The following EYA4 variants were observed in gnomAD, a reference collection of about 807,000 sequenced individuals.
EYA4 encodes the protein protein phosphatase EYA4.
A neutral mutation model predicts 87.9 loss-of-function variants in EYA4; 31 were observed. That is an observed-to-expected ratio of 0.35 (90% confidence interval 0.27 to 0.48). The LOEUF (loss-of-function observed/expected upper bound fraction) is 0.48, where lower values mean the gene tolerates loss of function less well. EYA4 is among the 20% of genes least tolerant of loss of function. The probability of loss-of-function intolerance (pLI) is 0.99; values close to 1 mark genes in which losing one functional copy is unlikely to be tolerated. For synonymous variants in EYA4, 263 were observed against 270.6 expected (o/e 0.97, Z 0.28); for missense variants, 678 against 761.4 (o/e 0.89, Z 1.29).
chr6:133,284,043 G>T (rs886896124), intron 2 of EYA4, among the ~76,000 whole-genome samples: 4 of 152,160 alleles, frequency 2.6e-5, no homozygotes, highest in African/African-American at 9.7e-5. Flanking sequence ...GAACTCACCT[G>T]CTTCCATCAA....
chr6:133,523,753 G>T (rs1357983643), intron 18 of EYA4, among the ~76,000 whole-genome samples: 1 of 152,028 alleles, frequency 6.6e-6, no homozygotes, highest in East Asian at 1.9e-4. Context: ...TGATTTTTAA[G>T]TGCATTTCTC....
chr6:133,320,459 A>G, intron 2 of EYA4, among the ~76,000 whole-genome samples: 1 of 148,232 alleles, frequency 6.7e-6, no homozygotes, highest in East Asian at 2.0e-4. Context: ...GTAAACAGTT[A>G]ATTAAATCTA....
chr6:133,392,237 G>A (rs1787365426), intron 3 of EYA4, among the ~76,000 whole-genome samples: 1 of 152,004 alleles, frequency 6.6e-6, no homozygotes, highest in Non-Finnish European at 1.5e-5. Context: ...AATGCAAATT[G>A]CTTTCTCCAT....
chr6:133,248,330 A>C (rs1034799264), intron 1 of EYA4: 7 of 152,186 alleles, frequency 4.6e-5, no homozygotes, highest in African/African-American at 1.7e-4. Context: ...AAATCATAAA[A>C]ATTTACATTC....
intron 3 of EYA4, among the ~76,000 whole-genome samples, chr6:133,415,383 C>G (rs1217770227): frequency 6.6e-6 from 1 of 152,144 alleles, no homozygotes; most frequent in South Asian, 2.1e-4. Flanking sequence ...AGCCTAGCCC[C>G]CCATGATATC....
chr6:133,374,197 T>G (rs1425841595), intron 2 of EYA4, among the ~76,000 whole-genome samples: 1 of 152,132 alleles, frequency 6.6e-6, no homozygotes, highest in East Asian at 1.9e-4. Flanking sequence ...GCTAAGTTGC[T>G]TTTTGAATAT....
intron 2 of EYA4, among the ~76,000 whole-genome samples, chr6:133,305,958 A>T (rs1779769042): frequency 6.7e-6 from 1 of 148,868 alleles, no homozygotes; most frequent in Admixed American, 6.8e-5. Flanking sequence ...TTAAGTAATA[A>T]TGATTATCTA....
chr6:133,451,506 TG>T (rs1338839991), intron 5 of EYA4, among the ~76,000 whole-genome samples: 1 of 152,212 alleles, frequency 6.6e-6, no homozygotes, highest in Non-Finnish European at 1.5e-5. Context: ...TTAGATCTAT[TG>T]GGAGGGCTAG....
chr6:133,322,915 A>AT (rs1781205241), intron 2 of EYA4, among the ~76,000 whole-genome samples: 1 of 152,154 alleles, frequency 6.6e-6, no homozygotes, highest in Admixed American at 6.6e-5. Flanking sequence ...ACCTGCCTAC[A>AT]TGTTTTGTCA....
At chr6:133,261,214 A>G (rs1775773875) in intron 1 of EYA4, among the ~76,000 whole-genome samples, 1 of 152,116 alleles carries the variant, frequency 6.6e-6, no homozygotes. Context: ...CTTCTTGTTC[A>G]TCTTGTTTGT....
rs145745540 is a variant in EYA4 at position 133,377,257 on chromosome 6, A to G, written c.34-5135A>G. Among the ~76,000 whole-genome samples, 410 of 152,144 alleles carry G rather than the reference A, an allele frequency of 2.7e-3. 1 individual carries two copies. Among genetic ancestry groups the G allele is most frequent in the African/African-American group, 9.5e-3 (394 of 41,534 alleles). On this transcript the variant is annotated intron_variant, in intron 2 of 19. Transcript: ENST00000355286. ...ATTTTATTTAACACAGTATACCCAA[A>G]ATATCATTTTACTCTCAATATCAAA...
chr6:133,292,799 T>G (rs1582868825), intron 2 of EYA4, among the ~76,000 whole-genome samples: 1 of 152,224 alleles, frequency 6.6e-6, no homozygotes, highest in Non-Finnish European at 1.5e-5. Context: ...TTTAAATATT[T>G]TTGTCCTTTT....
At chr6:133,298,702 A>C (rs1554220192) in intron 2 of EYA4, among the ~76,000 whole-genome samples, 1 of 152,204 alleles carries the variant, frequency 6.6e-6, no homozygotes, top group Non-Finnish European at 1.5e-5. Context: ...AAGTGTGTGG[A>C]TTTATATAAA....
chr6:133,335,686 G>T (rs1310489912), intron 2 of EYA4, among the ~76,000 whole-genome samples: 1 of 152,166 alleles, frequency 6.6e-6, no homozygotes, highest in Non-Finnish European at 1.5e-5. Flanking sequence ...CTAGGTGGGG[G>T]AAATAATGTG....
At chr6:133,424,759 G>T (rs545557180) in intron 3 of EYA4, among the ~76,000 whole-genome samples, 1 of 150,966 alleles carries the variant, frequency 6.6e-6, no homozygotes, top group Non-Finnish European at 1.5e-5. Context: ...GATTCTGCCT[G>T]TTCTTGGCAC....
chr6:133,391,120 G>A (rs373283134), intron 3 of EYA4, among the ~76,000 whole-genome samples: 2 of 152,064 alleles, frequency 1.3e-5, no homozygotes, highest in Non-Finnish European at 2.9e-5. Flanking sequence ...TAGCTTGCTA[G>A]TTGTTTTAGT....
chr6:133,447,940 T>C (rs1345822210), intron 4 of EYA4, among the ~76,000 whole-genome samples, 171 bp from the exon 5 acceptor site: 8 of 152,180 alleles, frequency 5.3e-5, no homozygotes, highest in Admixed American at 4.6e-4. Context: ...AATCATCATA[T>C]GTATATATTT....
chr6:133,418,446 G>C (rs1320292927), intron 3 of EYA4, among the ~76,000 whole-genome samples: 1 of 152,172 alleles, frequency 6.6e-6, no homozygotes, highest in Non-Finnish European at 1.5e-5. Flanking sequence ...CAAAAACATT[G>C]TTGAATGCAT....
chr6:133,424,254 G>A (rs1790455220), intron 3 of EYA4, among the ~76,000 whole-genome samples: 1 of 152,158 alleles, frequency 6.6e-6, no homozygotes, highest in African/African-American at 2.4e-5. Context: ...CTGCCAAATG[G>A]TCCATGGGTG....
Sources: allele counts gnomAD v4.1 joint callset (sites outside exome capture counted in the v4.1 genomes callset), GRCh38; gene constraint gnomAD v4.1.1; transcripts MANE v1.5; gene names NCBI Gene and HGNC (gene_info 2026-07-23, HGNC 2026-07-21).